DCC: variants seen among roughly 807,000 people sequenced by gnomAD.
DCC encodes netrin receptor DCC.
In DCC, 58 loss-of-function variants were observed where a neutral mutation model predicts 172.5. That is an observed-to-expected ratio of 0.34 (90% CI 0.27 to 0.42). DCC has a LOEUF of 0.42. Among genes scored for constraint, DCC ranks in the 10% least tolerant of loss-of-function variants. The pLI is 1.00. For missense variants in DCC, 1,740 were observed against 1,791.0 expected (o/e 0.97, Z 0.51); for synonymous variants, 709 against 644.5 (o/e 1.10, Z -1.52).
intron 1 of DCC, among the ~76,000 whole-genome samples, chr18:52,613,246 G>GT (rs1222440500): frequency 2.6e-5 from 4 of 151,856 alleles, no homozygotes; most frequent in Non-Finnish European, 1.5e-5. Context: ...GTTTGTTTTT[G>GT]TTTTTTTCTT....
chr18:52,596,815 T>C (rs541749772), intron 1 of DCC, among the ~76,000 whole-genome samples: 2 of 152,200 alleles, frequency 1.3e-5, no homozygotes, highest in Non-Finnish European at 2.9e-5. Context: ...CCTTCCTACA[T>C]GGCCTCTTTC....
intron 2 of DCC, among the ~76,000 whole-genome samples, chr18:52,778,017 G>A (rs910854783): frequency 1.3e-5 from 2 of 152,068 alleles, no homozygotes; most frequent in Admixed American, 6.6e-5. Context: ...TACTTACAAG[G>A]GTTTTTAATG....
intron 27 of DCC, among the ~76,000 whole-genome samples, chr18:53,505,741 G>GTCTTCTAT (rs2046165600): frequency 6.6e-6 from 1 of 152,148 alleles, no homozygotes; most frequent in African/African-American, 2.4e-5. Context: ...TTCGAAACAT[G>GTCTTCTAT]TAAGCTACAA....
chr18:53,343,018 C>T (rs1025298909), intron 15 of DCC, among the ~76,000 whole-genome samples: 1 of 150,998 alleles, frequency 6.6e-6, no homozygotes, highest in Admixed American at 6.6e-5. Context: ...TTTTTTAATG[C>T]TAACCTTGTA....
At position 52,465,729 on chromosome 18, in the gene DCC, TCTCTAACTTCCCTC is replaced by T. The variant is rs112442846; in HGVS notation, c.91+124866_91+124879del. Among the ~76,000 whole-genome samples, 1,261 of 150,522 alleles carry T rather than the reference TCTCTAACTTCCCTC, an allele frequency of 8.4e-3. 22 individuals are homozygous for T. Among genetic ancestry groups the T allele is most frequent in the African/African-American group, 0.029 (1,204 of 41,448 alleles). On this transcript the variant is annotated intron_variant, in intron 1 of 28. Coordinates refer to ENST00000442544, the MANE Select transcript of DCC (RefSeq NM_005215.4). ...TTTCTTGAAGGAGGAGTACACACGTTCTCTAACTTCCCTCCTCTAACTTCCCTCGTTTAGTTAAT... is the reference window on the plus strand; with the variant it reads ...TTTCTTGAAGGAGGAGTACACACGTTCTCTAACTTCCCTCGTTTAGTTAAT...
At chr18:53,173,472 G>C (rs907887909) in intron 8 of DCC, among the ~76,000 whole-genome samples, 4 of 152,020 alleles carry the variant, frequency 2.6e-5, no homozygotes, top group African/African-American at 9.7e-5. Flanking sequence ...ACCACCATCT[G>C]TCCACAGAAT....
chr18:52,677,872 C>T (rs2035673445), intron 1 of DCC, among the ~76,000 whole-genome samples: 1 of 152,182 alleles, frequency 6.6e-6, no homozygotes, highest in African/African-American at 2.4e-5. Flanking sequence ...TCTTCTACAA[C>T]TTGTAGCCTG....
chr18:52,740,826 A>G (rs901816801), intron 1 of DCC, among the ~76,000 whole-genome samples: 1 of 152,124 alleles, frequency 6.6e-6, no homozygotes, highest in African/African-American at 2.4e-5. Context: ...TCTGTGATAA[A>G]CTGATCAGAG....
rs543680671 is a variant in DCC at position 52,917,059 on chromosome 18, G to A, written c.698-6648G>A. ...GCAACTTGGGAGGCTGAGACAGGCA[G>A]ATTGCTTGAGCTCAAGAGTTTGAGA... On this transcript the variant is annotated intron_variant, in intron 3 of 28. Transcript: ENST00000442544. Among the ~76,000 whole-genome samples, 281 of 132,540 alleles carry A rather than the reference G, an allele frequency of 2.1e-3. 1 individual carries two copies. The highest frequency in any genetic ancestry group is 7.3e-3 in the African/African-American group (254 of 34,746). The allele number at this position is 132,540 out of a possible 152,430, so 87.0% of individuals were successfully genotyped here.
At chr18:52,885,238 T>G (rs2039552446) in intron 2 of DCC, among the ~76,000 whole-genome samples, 1 of 152,136 alleles carries the variant, frequency 6.6e-6, no homozygotes, top group Non-Finnish European at 1.5e-5. Flanking sequence ...TTCTCCTCCC[T>G]TCAGAGTGGC....
At chr18:52,904,773 T>G (rs2039856756) in intron 2 of DCC, among the ~76,000 whole-genome samples, 1 of 152,208 alleles carries the variant, frequency 6.6e-6, no homozygotes, top group African/African-American at 2.4e-5. Context: ...AAGTTTATTG[T>G]GACATGTGCA....
chr18:52,839,764 A>T (rs1279287328), intron 2 of DCC, among the ~76,000 whole-genome samples: 1 of 152,216 alleles, frequency 6.6e-6, no homozygotes, highest in Non-Finnish European at 1.5e-5. Context: ...TTTGTGCAAC[A>T]GTACCTGTGA....
chr18:52,869,969 A>T (rs2039292235), intron 2 of DCC, among the ~76,000 whole-genome samples: 1 of 151,810 alleles, frequency 6.6e-6, no homozygotes, highest in Non-Finnish European at 1.5e-5. Context: ...CCCAGCCATG[A>T]CTCCTCTCAG....
At chr18:53,210,952 A>AT (rs150536959) in intron 11 of DCC, among the ~76,000 whole-genome samples, 24 of 150,880 alleles carry the variant, frequency 1.6e-4, no homozygotes, top group South Asian at 4.2e-4. Context: ...ACAATGAGCC[A>AT]TTTTTTTTTC....
chr18:53,100,984 T>C (rs1015371383), intron 7 of DCC, among the ~76,000 whole-genome samples: 1 of 152,084 alleles, frequency 6.6e-6, no homozygotes, highest in African/African-American at 2.4e-5. Context: ...GAGGAAGACA[T>C]GCACCCTTTA....
intron 1 of DCC, among the ~76,000 whole-genome samples, chr18:52,487,864 T>A (rs2030307276): frequency 6.8e-6 from 1 of 147,792 alleles, no homozygotes; most frequent in African/African-American, 2.5e-5. Flanking sequence ...ATGCCCACTG[T>A]AGCAGCTCCT....
intron 1 of DCC, among the ~76,000 whole-genome samples, chr18:52,636,533 A>G (rs2034783944): frequency 6.6e-6 from 1 of 152,140 alleles, no homozygotes; most frequent in African/African-American, 2.4e-5. Context: ...GTTTGCGTCC[A>G]GAGCTGGGTG....
chr18:53,444,250 G>A lies in DCC; in HGVS notation c.3230-6250G>A, dbSNP rs550335920. Among the ~76,000 whole-genome samples, 12 of 152,290 alleles carry A rather than the reference G, an allele frequency of 7.9e-5. No homozygotes were observed. In the South Asian group the frequency reaches 2.5e-3, roughly 32 times the overall value. On this transcript the variant is annotated intron_variant, in intron 22 of 28. Coordinates refer to ENST00000442544, the MANE Select transcript of DCC (RefSeq NM_005215.4). Reference sequence around the variant, plus strand: ...ACTTTATTGTTTTCTTATTTTAAGAGATTGCCACAGGCTGGGCATGGTGGC... The same window carrying A: ...ACTTTATTGTTTTCTTATTTTAAGAAATTGCCACAGGCTGGGCATGGTGGC...
chr18:53,473,088 T>C (rs1330842264), intron 25 of DCC, among the ~76,000 whole-genome samples: 1 of 152,194 alleles, frequency 6.6e-6, no homozygotes, highest in South Asian at 2.1e-4. Flanking sequence ...AGAGTAGATA[T>C]TGATGCTCTT....
Sources: allele counts gnomAD v4.1 joint callset (sites outside exome capture counted in the v4.1 genomes callset), GRCh38; gene constraint gnomAD v4.1.1; transcripts MANE v1.5; gene names NCBI Gene and HGNC (gene_info 2026-07-23, HGNC 2026-07-21).